Variants in TRIM16 observed in about 807,000 individuals in gnomAD.
TRIM16 encodes the protein tripartite motif-containing protein 16.
A neutral mutation model predicts 50.4 loss-of-function variants in TRIM16; 33 were observed. The ratio of observed to expected loss-of-function variants is 0.65; its 90% CI spans 0.50 to 0.88. TRIM16 has a LOEUF of 0.88. Among genes scored for constraint, TRIM16 ranks in the 40% least tolerant of loss-of-function variants. The pLI, the probability that TRIM16 is intolerant of heterozygous loss-of-function variation, is 0.00. For synonymous variants in TRIM16, 229 were observed against 270.7 expected, an observed-to-expected ratio of 0.85 and a Z score of 1.51; for missense variants, 581 against 686.8, an observed-to-expected ratio of 0.85 and a Z score of 1.72.
intron 6 of TRIM16, among the ~76,000 whole-genome samples, chr17:15,659,174 C>T (rs1394688754): frequency 6.6e-6 from 1 of 152,184 alleles, no homozygotes; most frequent in East Asian, 1.9e-4. Flanking sequence ...AAGAAAACAC[C>T]GAAGTCAGCT....
chr17:15,664,140 A>G (rs889994204), intron 6 of TRIM16, among the ~76,000 whole-genome samples: 3 of 152,178 alleles, frequency 2.0e-5, no homozygotes, highest in Non-Finnish European at 4.4e-5. Flanking sequence ...TTGATACTTA[A>G]AAAGGGAGAA....
intron 7 of TRIM16, among the ~76,000 whole-genome samples, chr17:15,648,922 G>A (rs1210677878): frequency 6.6e-6 from 1 of 152,152 alleles, no homozygotes; most frequent in Non-Finnish European, 1.5e-5. Context: ...TGGGGAATGG[G>A]GTTTTAGCAC....
Position 15,636,934 on chromosome 17 carries a change from G to T in TRIM16, c.616-665C>A, listed in dbSNP as rs1986780316. On this transcript the variant is annotated intron_variant, in intron 8 of 11. Coordinates refer to ENST00000649191, the MANE Select transcript of TRIM16 (RefSeq NM_001348119.1). ...CACATGCATGTGGACTCTTTTGCAT[G>T]GTAAGCATCCTCTATGAATGCCTTC... Among the ~76,000 whole-genome samples the T allele has an allele frequency of 1.3e-5, 2 of 149,544 alleles. 1 individual carries two copies. Among genetic ancestry groups the T allele is most frequent in the Non-Finnish European group, 3.0e-5 (2 of 67,254 alleles).
intron 6 of TRIM16, 69 bp from the exon 7 acceptor site, chr17:15,652,015 C>A: frequency 1.9e-6 from 2 of 1,049,750 alleles, no homozygotes; most frequent in Non-Finnish European, 2.3e-6. Context: ...TGACAAGCGA[C>A]ATTTTTTTTT....
intron 4 of TRIM16, among the ~76,000 whole-genome samples, chr17:15,678,451 T>C (rs536972381): frequency 1.3e-5 from 2 of 152,206 alleles, no homozygotes; most frequent in African/African-American, 4.8e-5. Flanking sequence ...TCCTAACCAA[T>C]GGAATGCAAG....
At chr17:15,662,345 G>C (rs1195563652) in intron 6 of TRIM16, among the ~76,000 whole-genome samples, 3 of 152,110 alleles carry the variant, frequency 2.0e-5, no homozygotes, top group African/African-American at 7.2e-5. Flanking sequence ...GTGGATCCTG[G>C]GATAGGAAGT....
At chr17:15,665,962 T>C (rs185533579) in intron 6 of TRIM16, among the ~76,000 whole-genome samples, 1 of 152,122 alleles carries the variant, frequency 6.6e-6, no homozygotes, top group East Asian at 1.9e-4. Flanking sequence ...TTCTCAGAGA[T>C]TGCCACCAGC....
At chr17:15,630,266 A>G (rs1321799805) in intron 11 of TRIM16, among the ~76,000 whole-genome samples, 1 of 152,064 alleles carries the variant, frequency 6.6e-6, no homozygotes, top group Non-Finnish European at 1.5e-5. Flanking sequence ...TCAGGCTACA[A>G]CTGAGAGTTC....
chr17:15,653,876 T>C (rs1238657160), intron 6 of TRIM16, among the ~76,000 whole-genome samples: 2 of 152,182 alleles, frequency 1.3e-5, no homozygotes, highest in Non-Finnish European at 2.9e-5. Flanking sequence ...TACAAAGGAA[T>C]CCAGGATTAT....
chr17:15,630,040 C>G (rs1986335018), intron 11 of TRIM16, among the ~76,000 whole-genome samples: 1 of 152,200 alleles, frequency 6.6e-6, no homozygotes, highest in South Asian at 2.1e-4. Flanking sequence ...GTCCCTTGCT[C>G]TTATGATAAA....
intron 2 of TRIM16, 25 bp downstream of exon 2, chr17:15,683,011 A>T: frequency 2.6e-6 from 4 of 1,550,450 alleles, no homozygotes; most frequent in Non-Finnish European, 3.5e-6. Flanking sequence ...GGCTAATGGC[A>T]GGACCCTTTA....
At chr17:15,670,440 C>T (rs1988676169) in intron 6 of TRIM16, among the ~76,000 whole-genome samples, 1 of 152,166 alleles carries the variant, frequency 6.6e-6, no homozygotes, top group Admixed American at 6.5e-5. Flanking sequence ...CATTGCTCTC[C>T]CAGATGCTCT....
intron 8 of TRIM16, among the ~76,000 whole-genome samples, chr17:15,637,979 G>A (rs1331931179): frequency 7.0e-6 from 1 of 142,052 alleles, no homozygotes. Context: ...AACATGTGCT[G>A]TGTCCACTCA....
intron 11 of TRIM16, among the ~76,000 whole-genome samples, chr17:15,629,958 G>C (rs1986329082): frequency 6.6e-6 from 1 of 152,176 alleles, no homozygotes; most frequent in African/African-American, 2.4e-5. Flanking sequence ...CTCCACAACA[G>C]AGCCATGCTG....
intron 8 of TRIM16, among the ~76,000 whole-genome samples, chr17:15,642,440 A>C (rs1016687301): frequency 6.7e-6 from 1 of 148,500 alleles, no homozygotes; most frequent in Non-Finnish European, 1.5e-5. Flanking sequence ...ACACCCTGTC[A>C]AGACAGCATA....
In TRIM16 at chr17:15,669,802, G is replaced by A. The variant is rs489698; in HGVS notation, c.-338+7374C>T. 4.2e-3 allele frequency among the ~76,000 whole-genome samples: 632 copies of A among 152,220 alleles called. 2 individuals carry two copies. Among genetic ancestry groups the A allele is most frequent in the Non-Finnish European group, 6.0e-3 (411 of 68,004 alleles). ...ATTCCTGAATCTCAGTGCTACTGCCGTTTTGGGTGGGACAATCCTTTTTTG... is the reference window on the plus strand; with the variant it reads ...ATTCCTGAATCTCAGTGCTACTGCCATTTTGGGTGGGACAATCCTTTTTTG... On this transcript the variant is annotated intron_variant, in intron 6 of 11. Transcript: ENST00000649191.
intron 6 of TRIM16, among the ~76,000 whole-genome samples, chr17:15,658,147 G>A (rs1988060274): frequency 2.0e-5 from 3 of 152,114 alleles, no homozygotes; most frequent in Admixed American, 6.5e-5. Flanking sequence ...TCATCCTGTT[G>A]AGTCTTGACA....
chr17:15,665,933 T>C (rs1227927884), intron 6 of TRIM16, among the ~76,000 whole-genome samples: 1 of 151,716 alleles, frequency 6.6e-6, no homozygotes, highest in African/African-American at 2.4e-5. Context: ...ACAACAAATT[T>C]AACCCTCCTC....
chr17:15,656,083 G>A (rs952414154), intron 6 of TRIM16, among the ~76,000 whole-genome samples: 6 of 152,060 alleles, frequency 3.9e-5, no homozygotes, highest in Non-Finnish European at 8.8e-5. Context: ...CCCCTCTGGA[G>A]GCTCATCTTC....
Sources: gnomAD v4.1 joint callset for allele counts (sites outside exome capture counted in the v4.1 genomes callset) on GRCh38, gnomAD v4.1.1 for gene constraint, MANE v1.5 for transcripts, NCBI Gene and HGNC (gene_info 2026-07-23, HGNC 2026-07-21) for gene names.